The following CALD1 variants were observed in gnomAD, a reference collection of about 807,000 sequenced individuals.
The protein encoded by CALD1 is caldesmon.
A neutral mutation model predicts 99.9 loss-of-function variants in CALD1; 33 were observed. The ratio of observed to expected loss-of-function variants is 0.33; its 90% CI spans 0.25 to 0.44. The LOEUF is 0.44. Ranked by LOEUF, CALD1 falls within the 20% of genes least tolerant of loss-of-function variation. CALD1 has a pLI of 1.00. For missense variants in CALD1, 861 were observed against 962.1 expected, an observed-to-expected ratio of 0.89 and a Z score of 1.39; for synonymous variants, 310 against 325.0, an observed-to-expected ratio of 0.95 and a Z score of 0.50.
At chr7:134,819,888 A>C (rs1798706560) in intron 1 of CALD1, among the ~76,000 whole-genome samples, 1 of 30,092 alleles carries the variant, frequency 3.3e-5, no homozygotes, top group African/African-American at 7.7e-5. Flanking sequence ...AAAACAAAAC[A>C]AACAAACAAA....
At chr7:134,847,252 T>C (rs1284396397) in intron 2 of CALD1, among the ~76,000 whole-genome samples, 2 of 152,180 alleles carry the variant, frequency 1.3e-5, no homozygotes, top group African/African-American at 4.8e-5. Flanking sequence ...CTTCTTTTCT[T>C]GAGTTTTGCA....
intron 2 of CALD1, among the ~76,000 whole-genome samples, chr7:134,864,296 G>A (rs1057380659): frequency 1.4e-5 from 2 of 147,872 alleles, no homozygotes; most frequent in African/African-American, 2.5e-5. Context: ...GCAGTGAGCC[G>A]AGATCGCGCC....
chr7:134,861,712 A>G (rs1800571971), intron 2 of CALD1, among the ~76,000 whole-genome samples: 1 of 152,212 alleles, frequency 6.6e-6, no homozygotes, highest in Admixed American at 6.5e-5. Flanking sequence ...TATTGATTGT[A>G]TAAATGTTTT....
In CALD1 at chr7:134,760,674, A is replaced by G. The variant is rs145752835; in HGVS notation, c.-130+16311A>G. ...ATTTACATAAATTAAAGATGTATGC[A>G]TATGAAGTAATACTTACAACTTTGG... On this transcript the variant is annotated intron_variant, in intron 1 of 13. Coordinates refer to the CALD1 transcript ENST00000417172. 8.5e-5 allele frequency among the ~76,000 whole-genome samples: 13 copies of G among 152,382 alleles called. No individual in the cohort carries two copies. The East Asian group carries it at 2.5e-3, about 29-fold the overall frequency.
At chr7:134,959,699 A>G (rs1808104601) in intron 11 of CALD1, among the ~76,000 whole-genome samples, 1 of 152,188 alleles carries the variant, frequency 6.6e-6, no homozygotes, top group Admixed American at 6.5e-5. Context: ...TCTGTTGAAG[A>G]AACGAAGTAG....
intron 1 of CALD1, 25 bp from the exon 2 acceptor site, chr7:134,843,859 T>C (rs758324981): frequency 1.3e-5 from 2 of 152,244 alleles, no homozygotes; most frequent in Admixed American, 1.3e-4. Context: ...AACTGAATTA[T>C]GTTTCCATCC....
At chr7:134,937,122 G>C (rs1396361907) in intron 6 of CALD1, among the ~76,000 whole-genome samples, 1 of 152,120 alleles carries the variant, frequency 6.6e-6, no homozygotes, top group Non-Finnish European at 1.5e-5. Flanking sequence ...TTAAACACAT[G>C]GGGGAAGGGA....
chr7:134,780,573 A>G (rs1433689050), intron 1 of CALD1, among the ~76,000 whole-genome samples: 1 of 152,232 alleles, frequency 6.6e-6, no homozygotes, highest in East Asian at 1.9e-4. Flanking sequence ...GGAAGGAGGC[A>G]GGCTTTTATA....
intron 3 of CALD1, among the ~76,000 whole-genome samples, chr7:134,889,623 G>A (rs950467814): frequency 6.6e-6 from 1 of 152,152 alleles, no homozygotes; most frequent in Non-Finnish European, 1.5e-5. Flanking sequence ...GCAAAATTCG[G>A]TAGAAAGAGA....
chr7:134,835,614 CAG>C (rs1799400110), intron 1 of CALD1, among the ~76,000 whole-genome samples: 4 of 152,250 alleles, frequency 2.6e-5, no homozygotes, highest in South Asian at 4.1e-4. Flanking sequence ...CTAAATTTTT[CAG>C]AGTTGACTTA....
intron 2 of CALD1, among the ~76,000 whole-genome samples, chr7:134,848,467 T>C (rs1347077001): frequency 4.6e-5 from 7 of 152,174 alleles, no homozygotes; most frequent in Non-Finnish European, 1.0e-4. Context: ...TGAAAACACT[T>C]TGCTAAAGAG....
At chr7:134,717,952 T>C in the CALD1 span, among the ~76,000 whole-genome samples, 1 of 152,212 alleles carries the variant, frequency 6.6e-6, no homozygotes, top group South Asian at 2.1e-4. Flanking sequence ...AGATGGTTTC[T>C]AGATAAAAGA....
chr7:134,839,354 T>C (rs1799562460), intron 1 of CALD1, among the ~76,000 whole-genome samples: 1 of 152,264 alleles, frequency 6.6e-6, no homozygotes, highest in Non-Finnish European at 1.5e-5. Flanking sequence ...CTATTATTAA[T>C]AGTACTGCTA....
intron 1 of CALD1, among the ~76,000 whole-genome samples, chr7:134,780,769 G>C (rs993049109): frequency 3.6e-4 from 55 of 152,174 alleles, no homozygotes; most frequent in African/African-American, 1.1e-3. Context: ...TCTATTAACA[G>C]GACTATGCAG....
chr7:134,905,496 G>C (rs529900399), intron 3 of CALD1, among the ~76,000 whole-genome samples: 1 of 152,152 alleles, frequency 6.6e-6, no homozygotes, highest in African/African-American at 2.4e-5. Context: ...TTGGCTCCAG[G>C]CTGGCTCCTG....
chr7:134,960,213 A>G, intron 12 of CALD1, 102 bp downstream of exon 12: 2 of 1,351,880 alleles, frequency 1.5e-6, no homozygotes, highest in Non-Finnish European at 2.1e-6. Context: ...AGCAGTGAAG[A>G]AGGTGCAATT....
intron 1 of CALD1, among the ~76,000 whole-genome samples, chr7:134,763,120 T>C (rs954486168): frequency 7.2e-5 from 11 of 152,202 alleles, no homozygotes; most frequent in African/African-American, 2.7e-4. Flanking sequence ...GATCTCTCAG[T>C]CTATCTATCT....
the CALD1 span, among the ~76,000 whole-genome samples, chr7:134,713,379 C>T: frequency 2.0e-5 from 3 of 151,944 alleles, no homozygotes; most frequent in Non-Finnish European, 4.4e-5. Context: ...CATGGATGGC[C>T]CCCAAACATG....
chr7:134,775,697 C>T (rs373780824), upstream of CALD1, among the ~76,000 whole-genome samples: 4 of 134,280 alleles, frequency 3.0e-5, no homozygotes, highest in South Asian at 2.6e-4. Flanking sequence ...GGCAACAGAG[C>T]GAGACTCCGT....
Sources: gnomAD v4.1 joint callset for allele counts (sites outside exome capture counted in the v4.1 genomes callset) on GRCh38, gnomAD v4.1.1 for gene constraint, MANE v1.5 for transcripts, NCBI Gene and HGNC (gene_info 2026-07-23, HGNC 2026-07-21) for gene names.